The following CTNNA2 variants were observed in gnomAD, a reference collection of about 807,000 sequenced individuals.
CTNNA2 encodes catenin alpha-2.
A neutral mutation model predicts 101.0 loss-of-function variants in CTNNA2; 42 were observed. The ratio of observed to expected loss-of-function variants is 0.42; its 90% CI spans 0.32 to 0.54. The LOEUF (loss-of-function observed/expected upper bound fraction) is 0.54, where lower values mean the gene tolerates loss of function less well. Among genes scored for constraint, CTNNA2 ranks in the 20% least tolerant of loss-of-function variants. The probability of loss-of-function intolerance (pLI) is 0.14; values close to 1 mark genes in which losing one functional copy is unlikely to be tolerated. For missense variants in CTNNA2, 871 were observed against 1,223.1 expected (o/e 0.71, Z 4.29); for synonymous variants, 450 against 456.4 (o/e 0.99, Z 0.18).
At chr2:80,025,737 T>C (rs1694888348) in intron 7 of CTNNA2, among the ~76,000 whole-genome samples, 2 of 152,172 alleles carry the variant, frequency 1.3e-5, no homozygotes, top group South Asian at 4.1e-4. Context: ...TAGTGACAGC[T>C]TGTGCTCTCA....
At chr2:79,930,286 GAGAGAAAGAGAAAGAAAGAA>G (rs1411733827) in intron 7 of CTNNA2, among the ~76,000 whole-genome samples, 11 of 75,288 alleles carry the variant, frequency 1.5e-4, no homozygotes, top group African/African-American at 4.3e-4. Context: ...AAGAGAGAGA[GAGAGAAAGAGAAAGAAAGAA>G]AGAAAGAAAG....
At chr2:79,696,674 A>G (rs1480278721) in intron 2 of CTNNA2, among the ~76,000 whole-genome samples, 2 of 151,916 alleles carry the variant, frequency 1.3e-5, no homozygotes, top group African/African-American at 4.8e-5. Context: ...TAGAGGGAGG[A>G]TGCTTCTTTG....
chr2:79,407,476 CAT>C (rs1327680303), intron 4 of CTNNA2, among the ~76,000 whole-genome samples: 2 of 151,908 alleles, frequency 1.3e-5, no homozygotes, highest in Non-Finnish European at 2.9e-5. Flanking sequence ...ACTTCACACA[CAT>C]GTACATAAAC....
chr2:79,550,385 C>G (rs1401263353), intron 1 of CTNNA2, among the ~76,000 whole-genome samples: 2 of 152,124 alleles, frequency 1.3e-5, no homozygotes, highest in African/African-American at 4.8e-5. Flanking sequence ...AGACAATTTC[C>G]TGAGGGAGAC....
intron 9 of CTNNA2, among the ~76,000 whole-genome samples, chr2:80,449,709 G>C (rs1683346078): frequency 6.6e-6 from 1 of 152,134 alleles, no homozygotes; most frequent in Non-Finnish European, 1.5e-5. Context: ...GTTTCAGAAA[G>C]CTTAACACAG....
At chr2:80,539,078 G>C (rs953780706) in intron 9 of CTNNA2, among the ~76,000 whole-genome samples, 11 of 152,194 alleles carry the variant, frequency 7.2e-5, no homozygotes, top group Non-Finnish European at 1.6e-4. Context: ...GAGTGGAGTG[G>C]AGCGATCTCG....
At chr2:80,638,262 A>G (rs945627502) in intron 18 of CTNNA2, among the ~76,000 whole-genome samples, 1 of 152,198 alleles carries the variant, frequency 6.6e-6, no homozygotes, top group African/African-American at 2.4e-5. Context: ...CAAGATCAAC[A>G]GTTAATGCCT....
chr2:79,429,600 G>A (rs888744160), intron 4 of CTNNA2, among the ~76,000 whole-genome samples: 3 of 152,028 alleles, frequency 2.0e-5, no homozygotes, highest in African/African-American at 7.2e-5. Context: ...AAATTAAACA[G>A]AGTAATAAAA....
At chr2:79,862,919 A>T (rs938396430) in intron 4 of CTNNA2, among the ~76,000 whole-genome samples, 7 of 152,224 alleles carry the variant, frequency 4.6e-5, no homozygotes, top group African/African-American at 1.7e-4. Flanking sequence ...CCAAATTAAA[A>T]GTCCAGAGGT....
intron 7 of CTNNA2, among the ~76,000 whole-genome samples, chr2:80,171,937 T>C (rs1705086861): frequency 6.6e-6 from 1 of 152,212 alleles, no homozygotes; most frequent in Non-Finnish European, 1.5e-5. Flanking sequence ...TCATCTTTAC[T>C]AAAATGCTTT....
chr2:80,586,998 C>T lies in CTNNA2; in HGVS notation c.2008-2306C>T, dbSNP rs1037395097. Among the ~76,000 whole-genome samples the T allele has an allele frequency of 3.3e-4, 50 of 152,078 alleles. 2 individuals are homozygous for T. The highest frequency in any genetic ancestry group is 1.2e-4 in the Non-Finnish European group (8 of 68,034). ...AGCAGTGCTAGTGATATCAGTGACC[C>T]TTGCCCCACTTGGTTGAGGACCCCA... On this transcript the variant is annotated intron_variant, in intron 14 of 18. Transcript: ENST00000402739.
chr2:79,538,382 T>C (rs1343674519), intron 1 of CTNNA2, among the ~76,000 whole-genome samples: 1 of 152,356 alleles, frequency 6.6e-6, no homozygotes, highest in Non-Finnish European at 1.5e-5. Context: ...TATTTATTGT[T>C]GTTGTTGAGA....
intron 1 of CTNNA2, among the ~76,000 whole-genome samples, chr2:79,625,665 A>T (rs1009191239): frequency 6.6e-6 from 1 of 152,164 alleles, no homozygotes; most frequent in Non-Finnish European, 1.5e-5. Flanking sequence ...GAGAAGCAGC[A>T]AAAAGACCAG....
At chr2:79,708,321 G>A (rs1558859876) in intron 2 of CTNNA2, among the ~76,000 whole-genome samples, 1 of 152,110 alleles carries the variant, frequency 6.6e-6, no homozygotes, top group Non-Finnish European at 1.5e-5. Context: ...AAGTAGGCGG[G>A]AACTTGTATG....
chr2:79,846,459 T>C (rs138441278), intron 3 of CTNNA2, among the ~76,000 whole-genome samples: 5 of 152,250 alleles, frequency 3.3e-5, no homozygotes, highest in African/African-American at 4.8e-5. Context: ...TCAAGTATTA[T>C]TCAGTTTTAC....
chr2:79,972,351 C>G (rs7572656), intron 7 of CTNNA2, among the ~76,000 whole-genome samples: 3,331 of 152,188 alleles, frequency 0.022, 111 homozygotes, highest in African/African-American at 0.076. Flanking sequence ...CAAAACAAAG[C>G]CAATCAAAAT....
At chr2:80,462,320 T>A (rs1684493470) in intron 9 of CTNNA2, among the ~76,000 whole-genome samples, 1 of 152,202 alleles carries the variant, frequency 6.6e-6, no homozygotes, top group African/African-American at 2.4e-5. Context: ...TCAAATTTAT[T>A]TATTTTTTTC....
chr2:79,870,902 C>T (rs899445100), intron 5 of CTNNA2, among the ~76,000 whole-genome samples: 49 of 152,202 alleles, frequency 3.2e-4, no homozygotes, highest in African/African-American at 1.2e-3. Flanking sequence ...GTGGGGTTTA[C>T]AATTCAAGAT....
At chr2:79,856,466 T>C (rs190468086) in intron 3 of CTNNA2, among the ~76,000 whole-genome samples, 61 of 152,356 alleles carry the variant, frequency 4.0e-4, no homozygotes, top group African/African-American at 1.4e-3. Context: ...TAATCATTAC[T>C]ACAAAAATTG....
Sources: gnomAD v4.1 joint callset for allele counts (sites outside exome capture counted in the v4.1 genomes callset) on GRCh38, gnomAD v4.1.1 for gene constraint, MANE v1.5 for transcripts, NCBI Gene and HGNC (gene_info 2026-07-23, HGNC 2026-07-21) for gene names.